PIK3C2A: variants seen among roughly 807,000 people sequenced by gnomAD.
The protein encoded by PIK3C2A is phosphatidylinositol 4-phosphate 3-kinase C2 domain-containing subunit alpha.
In PIK3C2A, 97 loss-of-function variants were observed where a neutral mutation model predicts 204.5. That is an observed-to-expected ratio of 0.47 (90% CI 0.40 to 0.56). The LOEUF (loss-of-function observed/expected upper bound fraction) is 0.56. PIK3C2A is among the 20% of genes least tolerant of loss of function. The pLI is 0.00. For synonymous variants in PIK3C2A, 653 were observed against 664.4 expected (o/e 0.98, Z 0.26); for missense variants, 1,735 against 1,969.2 (o/e 0.88, Z 2.25).
intron 2 of PIK3C2A, among the ~76,000 whole-genome samples, chr11:17,158,727 T>C (rs1222622433): frequency 6.6e-6 from 1 of 152,224 alleles, no homozygotes; most frequent in Non-Finnish European, 1.5e-5. Context: ...CCTGAAGAAC[T>C]GTTCTTCATG....
chr11:17,118,627 A>G lies in PIK3C2A; in HGVS notation c.3035+18T>C. 4 of 1,153,004 alleles carry G rather than the reference A, an allele frequency of 3.5e-6. No individual in the cohort carries two copies. Among genetic ancestry groups the G allele is most frequent in the Non-Finnish European group, 5.2e-6 (4 of 773,164 alleles). 71.4% of individuals were successfully genotyped at this position (1,153,004 alleles called of 1,614,324 possible). ...TCTAGGAATGGAAATACGGTAATCA[A>G]TAAAATTTAAATCTTACCAATATAA... On this transcript the variant is annotated intron_variant, in intron 18 of 32. Coordinates refer to ENST00000691414, the MANE Select transcript of PIK3C2A (RefSeq NM_002645.4).
Position 17,086,722 on chromosome 11 carries a change from G to A in PIK3C2A, c.*3016C>T, listed in dbSNP as rs1162138384. 1 of 152,130 alleles carries A rather than the reference G, an allele frequency of 6.6e-6. No individual in the cohort carries two copies. Among genetic ancestry groups the A allele is most frequent in the Non-Finnish European group, 1.5e-5 (1 of 68,012 alleles). 9.4% of individuals were successfully genotyped at this position (152,130 alleles called of 1,614,324 possible). A position where few individuals can be genotyped will look rare whatever the true frequency, so the allele number is the denominator to read the frequency against. ...TAAAGTATTTGGTTCTTATAGGTAAGATTAATTACCATATTCATTCATATA... is the reference window on the plus strand; with the variant it reads ...TAAAGTATTTGGTTCTTATAGGTAAAATTAATTACCATATTCATTCATATA... On this transcript the variant is annotated 3_prime_UTR_variant, in exon 33 of 33. Coordinates refer to ENST00000691414, the MANE Select transcript of PIK3C2A (RefSeq NM_002645.4).
chr11:17,192,720 T>C (rs556255137), intron 1 of PIK3C2A, among the ~76,000 whole-genome samples: 1 of 152,348 alleles, frequency 6.6e-6, no homozygotes, highest in Non-Finnish European at 1.5e-5. Flanking sequence ...GTGCTGGGAT[T>C]ACAGACGTAA....
At chr11:17,136,156 G>C (rs1849865638) in intron 9 of PIK3C2A, among the ~76,000 whole-genome samples, 1 of 152,120 alleles carries the variant, frequency 6.6e-6, no homozygotes. Flanking sequence ...CCACCCCAAG[G>C]GAGAAGTGAT....
chr11:17,100,895 G>A (rs1173365118), intron 25 of PIK3C2A, among the ~76,000 whole-genome samples: 2 of 151,984 alleles, frequency 1.3e-5, no homozygotes, highest in East Asian at 1.9e-4. Flanking sequence ...TTTACTTAAC[G>A]ATAATATATA....
Position 17,129,301 on chromosome 11 carries a change from G to C in PIK3C2A, c.2398C>G (p.Arg800Gly), listed in dbSNP as rs201036447. Residue 800 changes from arginine to glycine, a missense_variant and splice_region_variant, in exon 13 of 33, where the codon CGG becomes GGG. Around this residue, in one of 6 missense-constraint regions of PIK3C2A, gnomAD observed 567 missense variants for 576.0 expected, o/e 0.98. Transcript: ENST00000691414. ...CCATTACAATTCGGTAATACTTACC[G>C]TTTAAAGTCAAAAAGAGGTAAAGAA... ...KVSLPLFDFK[R>G]FLTCGTKLLY... The C allele has an allele frequency of 6.2e-7, 1 of 1,612,434 alleles. No homozygotes were observed. The highest frequency in any genetic ancestry group is 1.7e-5 in the Admixed American group (1 of 59,922).
Position 17,098,614 on chromosome 11 carries a change from A to C in PIK3C2A, c.4118+1246T>G, listed in dbSNP as rs1480630536. 2.0e-5 allele frequency among the ~76,000 whole-genome samples: 3 copies of C among 152,250 alleles called. No individual in the cohort carries two copies. In the East Asian group the frequency reaches 5.8e-4, roughly 29 times the overall value. ...GGGAGCCAATGAATCTCTCTTAAAA[A>C]ACAAAGCAAAAGAAAACCCATCAAT... On this transcript the variant is annotated intron_variant, in intron 26 of 32. Coordinates refer to ENST00000691414, the MANE Select transcript of PIK3C2A (RefSeq NM_002645.4).
chr11:17,114,139 T>C (rs890975640), intron 20 of PIK3C2A, among the ~76,000 whole-genome samples: 1 of 143,650 alleles, frequency 7.0e-6, no homozygotes, highest in Admixed American at 7.1e-5. Flanking sequence ...TTTAAAAAAA[T>C]GAAGCCCAAG....
At position 17,168,933 on chromosome 11, in the gene PIK3C2A, C is replaced by T. The variant is rs369475868; in HGVS notation, c.809G>A (p.Trp270Ter). 4.3e-6 allele frequency: 7 copies of T among 1,613,924 alleles called. No homozygotes were observed. The highest frequency in any genetic ancestry group is 5.9e-6 in the Non-Finnish European group (7 of 1,179,962). The change falls in exon 2 of 33, where the codon TGG becomes TAG. Residue 270 changes from tryptophan (W) to a stop codon, truncating the protein, a stop_gained. Transcript: ENST00000691414. LOFTEE classifies it high-confidence loss of function. The part of the protein sequence containing the change: ...PKSEDISKFD[W>*]LDLDPLSKPK... ...CTTACTTAGAGGATCCAAGTCTAAC[C>T]AGTCAAATTTACTGATATCCTCAGA...
chr11:17,162,412 G>A (rs1264819412), intron 2 of PIK3C2A, among the ~76,000 whole-genome samples: 1 of 151,554 alleles, frequency 6.6e-6, no homozygotes, highest in Non-Finnish European at 1.5e-5. Context: ...AAGCCTCTAA[G>A]TCAATGTCTC....
intron 2 of PIK3C2A, among the ~76,000 whole-genome samples, chr11:17,160,576 T>C (rs370322221): frequency 5.3e-5 from 8 of 152,278 alleles, no homozygotes; most frequent in African/African-American, 1.9e-4. Flanking sequence ...ATATCTGTAA[T>C]CCTAGCACTT....
intron 2 of PIK3C2A, among the ~76,000 whole-genome samples, chr11:17,155,904 T>G (rs976360819): frequency 6.6e-6 from 1 of 152,186 alleles, no homozygotes; most frequent in African/African-American, 2.4e-5. Context: ...CCATTCAAAA[T>G]ATTCCTAAAA....
At position 17,097,165 on chromosome 11, in the gene PIK3C2A, CTCA is replaced by C. The variant is rs1848479527; in HGVS notation, c.4215_4217del (p.Asp1405del). ...TTTTAGGTGAAAATGAAAGGATGGG[CTCA>C]TCATTAGAAGGAAGACCAGAAAAAC... On this transcript the variant is annotated inframe_deletion, in exon 27 of 33. Coordinates refer to ENST00000691414, the MANE Select transcript of PIK3C2A (RefSeq NM_002645.4). 1 of 1,611,592 alleles carries C rather than the reference CTCA, an allele frequency of 6.2e-7. No homozygotes were observed. Among genetic ancestry groups the C allele is most frequent in the Admixed American group, 1.7e-5 (1 of 59,956 alleles).
At chr11:17,145,535 C>T in intron 8 of PIK3C2A, 133 bp downstream of exon 8, 1 of 596,456 alleles carries the variant, frequency 1.7e-6, no homozygotes, top group Non-Finnish European at 2.9e-6. Context: ...AACCTATTTT[C>T]TTTATAAATT....
At chr11:17,095,001 C>T (rs566857713) in intron 27 of PIK3C2A, among the ~76,000 whole-genome samples, 3 of 152,252 alleles carry the variant, frequency 2.0e-5, no homozygotes, top group African/African-American at 7.2e-5. Flanking sequence ...ATAATCCTAG[C>T]ACTTTGAGGG....
intron 31 of PIK3C2A, 27 bp downstream of exon 31, chr11:17,091,520 C>G: frequency 6.2e-7 from 1 of 1,608,362 alleles, no homozygotes; most frequent in Non-Finnish European, 8.5e-7. Context: ...GTTTCCTCTA[C>G]AACCATCATT....
At position 17,097,164 on chromosome 11, in the gene PIK3C2A, G is replaced by C. The variant is rs1442666909; in HGVS notation, c.4219C>G (p.Pro1407Ala). The change falls in exon 27 of 33, where the codon CCC (proline) becomes GCC (alanine). Residue 1407 changes from proline (P) to alanine (A), a missense_variant. Pro to Ala is a conservative substitution (Grantham distance 27). Transcript: ENST00000691414. ...GTTTTAGGTGAAAATGAAAGGATGG[G>C]CTCATCATTAGAAGGAAGACCAGAA... ...RFSGLPSNDEPILSFSPKTYS... is the reference protein window; with the variant it reads ...RFSGLPSNDEAILSFSPKTYS... The C allele has an allele frequency of 2.5e-6, 4 of 1,611,026 alleles. No individual in the cohort carries two copies. Among genetic ancestry groups the C allele is most frequent in the Non-Finnish European group, 3.4e-6 (4 of 1,177,348 alleles).
rs982424342 is a variant in PIK3C2A at position 17,157,365 on chromosome 11, C to T, written c.1066-1736G>A. Reference sequence around the variant, plus strand: ...ATTCAAGCTACTCAGGAGGCTGAGGCGGGAAAATTGCTTGAACCTGGGAGG... The same window carrying T: ...ATTCAAGCTACTCAGGAGGCTGAGGTGGGAAAATTGCTTGAACCTGGGAGG... On this transcript the variant is annotated intron_variant, in intron 2 of 32. Transcript: ENST00000691414. Among the ~76,000 whole-genome samples the T allele has an allele frequency of 2.8e-4, 40 of 143,466 alleles. 1 individual carries two copies. Among genetic ancestry groups the T allele is most frequent in the African/African-American group, 7.6e-4 (29 of 38,160 alleles). The allele number at this position is 143,466 out of a possible 152,430, so 94.1% of individuals were successfully genotyped here.
chr11:17,110,551 T>C lies in PIK3C2A; in HGVS notation c.3425A>G (p.Asp1142Gly). ...EINVMFKVGEDLRQDMLALQM... is the reference protein window; with the variant it reads ...EINVMFKVGEGLRQDMLALQM... ...TAAAGCTAACATATCTTGCCGAAGA[T>C]CTTCACCAACCTTGAAATCAAGGAA... Residue 1142 changes from aspartate to glycine, a missense_variant, in exon 22 of 33, where the codon GAT (aspartate) becomes GGT (glycine). Around this residue, in one of 6 missense-constraint regions of PIK3C2A, gnomAD observed 503 missense variants for 669.0 expected, o/e 0.75. Transcript: ENST00000691414. 2 of 1,610,114 alleles carry C rather than the reference T, an allele frequency of 1.2e-6. No individual in the cohort carries two copies. The highest frequency in any genetic ancestry group is 8.5e-7 in the Non-Finnish European group (1 of 1,178,530).
Sources: gnomAD v4.1 joint callset for allele counts (sites outside exome capture counted in the v4.1 genomes callset) on GRCh38, gnomAD v4.1.1 for gene constraint, gnomAD v4.1.1 regional missense constraint, MANE v1.5 for transcripts, NCBI Gene and HGNC (gene_info 2026-07-23, HGNC 2026-07-21) for gene names.